GLI3: variants seen among roughly 807,000 people sequenced by gnomAD.
GLI3 encodes the protein transcription activator GLI3.
In GLI3, 20 loss-of-function variants were observed where a neutral mutation model predicts 100.8. That is an observed-to-expected ratio of 0.20 (90% CI 0.14 to 0.29). The LOEUF is 0.29. Ranked by LOEUF, GLI3 falls within the 10% of genes least tolerant of loss-of-function variation. The pLI, the probability that GLI3 is intolerant of heterozygous loss-of-function variation, is 1.00. For synonymous variants in GLI3, 938 were observed against 860.5 expected (o/e 1.09, Z -1.58); for missense variants, 2,040 against 2,128.5 (o/e 0.96, Z 0.82).
chr7:42,223,688 C>T (rs911835330), intron 1 of GLI3, among the ~76,000 whole-genome samples: 4 of 152,178 alleles, frequency 2.6e-5, no homozygotes, highest in African/African-American at 9.7e-5. Context: ...GGCATTTGAA[C>T]AAATTCCAAA....
intron 10 of GLI3, among the ~76,000 whole-genome samples, chr7:42,013,269 T>C (rs1157852481): frequency 6.6e-6 from 1 of 152,232 alleles, no homozygotes; most frequent in East Asian, 1.9e-4. Flanking sequence ...ATTCATTCTC[T>C]GTATTCGTCC....
rs1400239279 is a variant in GLI3 at position 41,964,023 on chromosome 7, C to G, written c.*307G>C. On this transcript the variant is annotated 3_prime_UTR_variant, in exon 15 of 15. Transcript: ENST00000395925. ...AAAAGAAAGAAGAATATGCACATCA[C>G]AAATTTACATCGGTTTACTAAAAAG... The G allele has an allele frequency of 3.8e-6, 1 of 263,476 alleles. No individual in the cohort carries two copies. The highest frequency in any genetic ancestry group is 5.1e-5 in the Admixed American group (1 of 19,686). 16.3% of individuals were successfully genotyped at this position (263,476 alleles called of 1,614,324 possible).
At chr7:42,225,666 C>T (rs574920039) in intron 1 of GLI3, among the ~76,000 whole-genome samples, 5 of 152,326 alleles carry the variant, frequency 3.3e-5, no homozygotes, top group South Asian at 4.1e-4. Flanking sequence ...CTGTTCTACA[C>T]GTTTATTTTT....
At chr7:42,100,340 T>G (rs979438676) in intron 3 of GLI3, among the ~76,000 whole-genome samples, 3 of 152,202 alleles carry the variant, frequency 2.0e-5, no homozygotes, top group Non-Finnish European at 4.4e-5. Context: ...ATCTGGTATA[T>G]GTAAATGTGA....
At chr7:42,084,714 C>G (rs1785065084) in intron 3 of GLI3, among the ~76,000 whole-genome samples, 1 of 152,112 alleles carries the variant, frequency 6.6e-6, no homozygotes, top group South Asian at 2.1e-4. Flanking sequence ...TATAAGGAAT[C>G]ACTTAAAAGT....
chr7:42,017,177 T>C (rs752132800), intron 10 of GLI3, among the ~76,000 whole-genome samples: 2 of 152,160 alleles, frequency 1.3e-5, no homozygotes, highest in Non-Finnish European at 2.9e-5. Flanking sequence ...TCAAATGAGG[T>C]ATGCAGCCCA....
At chr7:42,095,084 G>A (rs894149368) in intron 3 of GLI3, among the ~76,000 whole-genome samples, 1 of 152,188 alleles carries the variant, frequency 6.6e-6, no homozygotes, top group Non-Finnish European at 1.5e-5. Context: ...CTGCTCGGGG[G>A]CAAGGGCGTG....
intron 1 of GLI3, among the ~76,000 whole-genome samples, chr7:42,245,816 G>T (rs1229705971): frequency 1.3e-5 from 2 of 151,058 alleles, no homozygotes; most frequent in East Asian, 3.9e-4. Context: ...TTATTTTAAA[G>T]ATACTTAGAG....
chr7:42,250,638 G>A (rs1404995053), intron 1 of GLI3, among the ~76,000 whole-genome samples: 2 of 152,136 alleles, frequency 1.3e-5, no homozygotes, highest in Non-Finnish European at 2.9e-5. Flanking sequence ...TTCCACCAAT[G>A]CACAGCCTGG....
At chr7:42,003,609 G>A (rs566533839) in intron 10 of GLI3, among the ~76,000 whole-genome samples, 32 of 152,230 alleles carry the variant, frequency 2.1e-4, no homozygotes, top group African/African-American at 7.5e-4. Flanking sequence ...ATCAAAACCC[G>A]AGATTCTTCT....
chr7:42,244,900 A>G (rs1788957120), intron 1 of GLI3, among the ~76,000 whole-genome samples: 1 of 152,210 alleles, frequency 6.6e-6, no homozygotes, highest in Admixed American at 6.5e-5. Flanking sequence ...TGGACAAGGC[A>G]CCTTTTACAA....
intron 10 of GLI3, among the ~76,000 whole-genome samples, chr7:41,986,117 C>G (rs946241392): frequency 1.3e-5 from 2 of 152,150 alleles, no homozygotes; most frequent in Non-Finnish European, 2.9e-5. Flanking sequence ...TACAAACCAG[C>G]ATTCTCTTTA....
intron 2 of GLI3, among the ~76,000 whole-genome samples, chr7:42,159,410 C>T (rs1384252189): frequency 1.3e-5 from 2 of 152,194 alleles, no homozygotes; most frequent in Non-Finnish European, 2.9e-5. Context: ...TCCCTTCCCA[C>T]TGGCTGGAAA....
chr7:42,166,287 T>C (rs1381752017), intron 2 of GLI3, among the ~76,000 whole-genome samples: 1 of 152,354 alleles, frequency 6.6e-6, no homozygotes, highest in Non-Finnish European at 1.5e-5. Flanking sequence ...TTCAGTACTC[T>C]GCTATCTCTT....
In GLI3 at chr7:42,031,500, T is replaced by C. The variant is rs1789295914; in HGVS notation, c.1029-5088A>G. On this transcript the variant is annotated intron_variant, in intron 7 of 14. Transcript: ENST00000395925. ...AATACAGCCCAGGCCTGTTTCTCTG[T>C]GCATTCCTAATGTCCACCCCAGATA... Among the ~76,000 whole-genome samples the C allele has an allele frequency of 2.0e-5, 3 of 152,348 alleles. No homozygotes were observed. In the South Asian group the frequency reaches 6.2e-4, roughly 32 times the overall value.
At chr7:42,158,494 T>G (rs1428202332) in intron 2 of GLI3, among the ~76,000 whole-genome samples, 1 of 144,602 alleles carries the variant, frequency 6.9e-6, no homozygotes, top group East Asian at 2.2e-4. Flanking sequence ...GTGAAGACTA[T>G]TTTTTTTTTT....
intron 3 of GLI3, among the ~76,000 whole-genome samples, chr7:42,110,720 A>G (rs56145441): frequency 0.1 from 15,857 of 152,280 alleles, 891 homozygotes; most frequent in African/African-American, 0.15. Flanking sequence ...TAGAGCACAT[A>G]CTAACTTTAA....
At chr7:42,181,688 C>A (rs915767229) in intron 2 of GLI3, among the ~76,000 whole-genome samples, 1 of 152,162 alleles carries the variant, frequency 6.6e-6, no homozygotes, top group African/African-American at 2.4e-5. Flanking sequence ...TCTATAAATA[C>A]CATTCAACTG....
chr7:42,047,359 C>G (rs1205621554), intron 5 of GLI3, among the ~76,000 whole-genome samples: 9 of 152,180 alleles, frequency 5.9e-5, no homozygotes, highest in Admixed American at 3.3e-4. Context: ...GCACACCCAG[C>G]CTCAGGAAGG....
Sources: gnomAD v4.1 joint callset for allele counts (sites outside exome capture counted in the v4.1 genomes callset) on GRCh38, gnomAD v4.1.1 for gene constraint, MANE v1.5 for transcripts, NCBI Gene and HGNC (gene_info 2026-07-23, HGNC 2026-07-21) for gene names.